The following SLC38A7 variants were observed in gnomAD, a reference collection of about 807,000 sequenced individuals.
SLC38A7 encodes the protein solute carrier family 38 member 7.
A neutral mutation model predicts 50.1 loss-of-function variants in SLC38A7; 29 were observed. The ratio of observed to expected loss-of-function variants is 0.58; its 90% CI spans 0.43 to 0.79. The LOEUF (loss-of-function observed/expected upper bound fraction) is 0.79, where lower values mean the gene tolerates loss of function less well. Ranked by LOEUF, SLC38A7 falls within the 30% of genes least tolerant of loss-of-function variation. The pLI is 0.00. For synonymous variants in SLC38A7, 244 were observed against 245.9 expected (o/e 0.99, Z 0.07); for missense variants, 483 against 610.6 (o/e 0.79, Z 2.20).
In SLC38A7 at chr16:58,667,348, C is replaced by T. The variant is rs2044058542; in HGVS notation, c.*37G>A. On this transcript the variant is annotated 3_prime_UTR_variant, in exon 12 of 12. Transcript: ENST00000219320. ...GCTCTAAGAGATGGGTTCCTGCGAC[C>T]AATGGCAAAGGCCTTGTGTTCCCTG... 6.2e-7 allele frequency: 1 copy of T among 1,602,566 alleles called. No homozygotes were observed.
At chr16:58,675,521 CAAAAT>C (rs1370741450) in intron 8 of SLC38A7, among the ~76,000 whole-genome samples, 1 of 151,944 alleles carries the variant, frequency 6.6e-6, no homozygotes, top group East Asian at 1.9e-4. Flanking sequence ...TTTCTCAAAA[CAAAAT>C]AAAATAGAAT....
At chr16:58,683,099 G>C (rs2044426630) in intron 2 of SLC38A7, among the ~76,000 whole-genome samples, 1 of 151,904 alleles carries the variant, frequency 6.6e-6, no homozygotes, top group Admixed American at 6.6e-5. Flanking sequence ...GGCTGGTCTT[G>C]AACTCCTGGG....
At chr16:58,675,150 C>T (rs1157759351) in intron 8 of SLC38A7, 1 of 215,752 alleles carries the variant, frequency 4.6e-6, no homozygotes. Flanking sequence ...ATCATTTGGG[C>T]CTTCTCTGAG....
At chr16:58,674,099 A>G (rs2044215514) in intron 8 of SLC38A7, among the ~76,000 whole-genome samples, 1 of 152,156 alleles carries the variant, frequency 6.6e-6, no homozygotes, top group Non-Finnish European at 1.5e-5. Flanking sequence ...TCCTGGGATT[A>G]CAGGCGTGAG....
At chr16:58,670,014 T>G in intron 11 of SLC38A7, 99 bp downstream of exon 11, 1 of 1,016,906 alleles carries the variant, frequency 9.8e-7, no homozygotes, top group Non-Finnish European at 1.4e-6. Context: ...GATTTCTAAG[T>G]ACACAAGCCT....
intron 11 of SLC38A7, among the ~76,000 whole-genome samples, chr16:58,669,598 C>CTTT (rs1277182161): frequency 3.9e-5 from 6 of 151,990 alleles, no homozygotes; most frequent in Non-Finnish European, 7.4e-5. Flanking sequence ...GGACTTCCAT[C>CTTT]TTTTTGTATT....
intron 1 of SLC38A7, chr16:58,684,465 G>C (rs1451973773): frequency 1.3e-5 from 2 of 152,612 alleles, no homozygotes; most frequent in African/African-American, 4.8e-5. Context: ...AGAAGGGTGG[G>C]CTACTGTGGG....
In SLC38A7 at chr16:58,667,492, A is replaced by G; in HGVS notation, c.1287-5T>C. 1 of 1,603,782 alleles carries G rather than the reference A, an allele frequency of 6.2e-7. No homozygotes were observed. The highest frequency in any genetic ancestry group is 8.5e-7 in the Non-Finnish European group (1 of 1,174,952). On this transcript the variant is annotated splice_region_variant and splice_polypyrimidine_tract_variant and intron_variant, in intron 11 of 11. Coordinates refer to ENST00000219320, the MANE Select transcript of SLC38A7 (RefSeq NM_018231.3). The stretch of plus-strand genomic sequence containing the variant: ...TAGCTGACCAGCACCCACCAGCTGT[A>G]GAACAGAGGGTGAGAGAGGTCTGAT...
intron 7 of SLC38A7, 67 bp from the exon 8 acceptor site, chr16:58,676,121 C>A (rs1052641470): frequency 1.3e-6 from 2 of 1,574,138 alleles, no homozygotes; most frequent in African/African-American, 1.3e-5. Context: ...GAGGAAGGTA[C>A]CTTGGGAACA....
intron 11 of SLC38A7, 141 bp downstream of exon 11, chr16:58,669,972 C>T (rs1437578426): frequency 2.1e-5 from 15 of 706,934 alleles, no homozygotes; most frequent in Non-Finnish European, 3.4e-5. Flanking sequence ...GAGACTCCGG[C>T]TCAAAAAAAA....
intron 3 of SLC38A7, among the ~76,000 whole-genome samples, chr16:58,679,347 G>A (rs367988111): frequency 5.9e-5 from 9 of 152,106 alleles, no homozygotes; most frequent in Middle Eastern, 3.2e-3. Flanking sequence ...AGCCGAGATC[G>A]GGCCACTGCA....
chr16:58,678,804 C>A lies in SLC38A7; in HGVS notation c.361G>T (p.Ala121Ser). ...NERTYQEVVW[A>S]VCGKLTGVLC... ...ACACCTGTCAGCTTGCCACACACAG[C>A]CCATACCACCTCCTGGTAGGTCCTC... The change falls in exon 4 of 12, where the codon GCT (alanine) becomes TCT (serine). Residue 121 changes from alanine to serine, a missense_variant. Transcript: ENST00000219320. The surrounding 1 kb of genome is among the most constrained non-coding windows in gnomAD (Gnocchi z 4.0). The A allele has an allele frequency of 6.2e-7, 1 of 1,614,240 alleles. No homozygotes were observed. Among genetic ancestry groups the A allele is most frequent in the Non-Finnish European group, 8.5e-7 (1 of 1,180,054 alleles).
intron 9 of SLC38A7, 29 bp from the exon 10 acceptor site, chr16:58,671,273 GCC>G (rs917393865): frequency 6.2e-7 from 1 of 1,602,010 alleles, no homozygotes. Context: ...GCTTAGAGGT[GCC>G]CCTGCTGCTA....
chr16:58,679,220 C>T (rs1454919346), intron 3 of SLC38A7, among the ~76,000 whole-genome samples: 4 of 151,964 alleles, frequency 2.6e-5, no homozygotes, highest in Non-Finnish European at 5.9e-5. Context: ...GGTAAAACCC[C>T]GTCTCTACTA....
intron 8 of SLC38A7, among the ~76,000 whole-genome samples, chr16:58,675,720 C>A (rs145238425): frequency 4.9e-4 from 74 of 152,290 alleles, no homozygotes; most frequent in African/African-American, 1.7e-3. Flanking sequence ...GTTCCTGGCA[C>A]TTCCTAGGCA....
chr16:58,670,919 C>A, intron 10 of SLC38A7, 126 bp downstream of exon 10: 1 of 998,964 alleles, frequency 1.0e-6, no homozygotes, highest in Non-Finnish European at 1.5e-6. Context: ...AGAGGCGAGA[C>A]AGGTGATCAA....
chr16:58,669,704 G>A (rs1409183849), intron 11 of SLC38A7, among the ~76,000 whole-genome samples: 1 of 122,954 alleles, frequency 8.1e-6, no homozygotes, highest in Non-Finnish European at 1.7e-5. Flanking sequence ...GCTGGGTGTG[G>A]TGGCTCACGC....
intron 6 of SLC38A7, among the ~76,000 whole-genome samples, chr16:58,676,809 A>G (rs2044277154): frequency 1.3e-5 from 2 of 151,072 alleles, no homozygotes; most frequent in South Asian, 2.1e-4. Flanking sequence ...CTGCCACCAC[A>G]CCCGGCTAAT....
intron 6 of SLC38A7, 103 bp downstream of exon 6, chr16:58,677,223 C>T: frequency 1.1e-6 from 1 of 927,938 alleles, no homozygotes; most frequent in Non-Finnish European, 1.8e-6. Context: ...AGCTCATGAG[C>T]CTTGAGAAGA....
Sources: allele counts gnomAD v4.1 joint callset (sites outside exome capture counted in the v4.1 genomes callset), GRCh38; gene constraint gnomAD v4.1.1; non-coding constraint Gnocchi (gnomAD v3.1); transcripts MANE v1.5; gene names NCBI Gene and HGNC (gene_info 2026-07-23, HGNC 2026-07-21).